Variants in RBFOX1 observed in about 807,000 individuals in gnomAD.
RBFOX1 encodes the protein RNA binding fox-1 homolog 1.
Under a neutral mutation model 57.7 loss-of-function variants are expected in RBFOX1, and 8 were observed. That is an observed-to-expected ratio of 0.14 (90% CI 0.08 to 0.25). The LOEUF (loss-of-function observed/expected upper bound fraction) is 0.25. Ranked by LOEUF, RBFOX1 falls within the 10% of genes least tolerant of loss-of-function variation. The pLI, the probability that RBFOX1 is intolerant of heterozygous loss-of-function variation, is 1.00. For synonymous variants in RBFOX1, 326 were observed against 222.4 expected, an observed-to-expected ratio of 1.47 and a Z score of -4.15; for missense variants, 611 against 548.5, an observed-to-expected ratio of 1.11 and a Z score of -1.14.
At chr16:5,918,086 A>G in intron 4 of RBFOX1, among the ~76,000 whole-genome samples, 1 of 152,134 alleles carries the variant, frequency 6.6e-6, no homozygotes, top group East Asian at 1.9e-4. Flanking sequence ...AACAGCCTGC[A>G]GTTCTCTTAA....
Position 5,363,534 on chromosome 16 carries a change from C to A in RBFOX1, c.220-103682C>A, listed in dbSNP as rs888081056. 2.0e-5 allele frequency among the ~76,000 whole-genome samples: 3 copies of A among 152,322 alleles called. No homozygotes were observed. The East Asian group carries it at 5.8e-4, about 29-fold the overall frequency. On this transcript the variant is annotated intron_variant, in intron 1 of 2. Transcript: ENST00000585867. ...AGGACTTCCAGGCAGGCTCTTCTCT[C>A]TGCAACAAGCTTTCTTTCTCCCCCT...
intron 2 of RBFOX1, among the ~76,000 whole-genome samples, chr16:6,503,269 C>T (rs1047952733): frequency 1.3e-5 from 2 of 152,054 alleles, no homozygotes; most frequent in Admixed American, 1.3e-4. Context: ...CTATACTTAT[C>T]TATGGGCAGT....
At chr16:7,686,687 C>G (rs2076135962) in intron 14 of RBFOX1, among the ~76,000 whole-genome samples, 1 of 152,048 alleles carries the variant, frequency 6.6e-6, no homozygotes, top group Non-Finnish European at 1.5e-5. Context: ...CTCAATTTTT[C>G]CAAATGAAGA....
intron 1 of RBFOX1, among the ~76,000 whole-genome samples, chr16:6,281,704 C>T (rs1021654554): frequency 5.9e-5 from 9 of 152,156 alleles, no homozygotes; most frequent in Non-Finnish European, 1.0e-4. Flanking sequence ...CTATTCATAA[C>T]ATTAACAGTT....
intron 1 of RBFOX1, among the ~76,000 whole-genome samples, chr16:6,085,639 G>T (rs928129448): frequency 9.2e-6 from 1 of 109,154 alleles, no homozygotes; most frequent in Non-Finnish European, 2.2e-5. Flanking sequence ...AGGAGAAGTA[G>T]CAGTGTGTGT....
At chr16:7,192,767 T>G (rs560802555) in intron 4 of RBFOX1, among the ~76,000 whole-genome samples, 2 of 152,340 alleles carry the variant, frequency 1.3e-5, no homozygotes, top group African/African-American at 4.8e-5. Flanking sequence ...TTTGCAATCT[T>G]TCTGTGAGTC....
chr16:6,011,069 T>C (rs2094958374), intron 4 of RBFOX1, among the ~76,000 whole-genome samples: 1 of 152,206 alleles, frequency 6.6e-6, no homozygotes, highest in African/African-American at 2.4e-5. Flanking sequence ...TCTTTACTTA[T>C]CCATTTGTAA....
intron 1 of RBFOX1, chr16:5,366,295 AT>A: frequency 2.7e-6 from 1 of 367,046 alleles, no homozygotes; most frequent in Non-Finnish European, 5.3e-6. Flanking sequence ...GGTCATGACG[AT>A]TTTGATGATG....
At chr16:7,601,925 C>T (rs1280658953) in intron 9 of RBFOX1, among the ~76,000 whole-genome samples, 1 of 152,210 alleles carries the variant, frequency 6.6e-6, no homozygotes, top group Non-Finnish European at 1.5e-5. Flanking sequence ...GTACCCAGTG[C>T]GAACCTCACT....
At chr16:7,348,306 C>G (rs1480118755) in intron 4 of RBFOX1, among the ~76,000 whole-genome samples, 2 of 152,158 alleles carry the variant, frequency 1.3e-5, no homozygotes, top group South Asian at 4.1e-4. Flanking sequence ...CTAAATAATT[C>G]TTATCTACTC....
intron 5 of RBFOX1, among the ~76,000 whole-genome samples, chr16:7,567,303 CTATA>C (rs199970979): frequency 0.12 from 13,552 of 111,914 alleles, 1,912 homozygotes; most frequent in South Asian, 0.24. Flanking sequence ...ATATATGGCC[CTATA>C]TATATATATA....
intron 4 of RBFOX1, among the ~76,000 whole-genome samples, chr16:5,959,466 A>G (rs2059708082): frequency 6.6e-6 from 1 of 152,164 alleles, no homozygotes; most frequent in Admixed American, 6.5e-5. Flanking sequence ...GGAACATACA[A>G]TGACAGGGGT....
chr16:5,756,222 G>T, intron 3 of RBFOX1, among the ~76,000 whole-genome samples: 1 of 13,936 alleles, frequency 7.2e-5, no homozygotes, highest in Non-Finnish European at 1.3e-4. Flanking sequence ...TTCCACATAA[G>T]CAAAAAAAAA....
chr16:7,428,741 A>G (rs4441295), intron 4 of RBFOX1, among the ~76,000 whole-genome samples: 7,179 of 151,868 alleles, frequency 0.047, 594 homozygotes, highest in African/African-American at 0.16. Context: ...TGTTCACACA[A>G]TGATATATGT....
At chr16:6,688,595 G>T (rs747469551) in intron 3 of RBFOX1, among the ~76,000 whole-genome samples, 2 of 152,134 alleles carry the variant, frequency 1.3e-5, no homozygotes, top group Non-Finnish European at 2.9e-5. Flanking sequence ...GGTGAAGCCT[G>T]TATCACTGTC....
At chr16:6,524,774 A>C (rs976056963) in intron 2 of RBFOX1, among the ~76,000 whole-genome samples, 2 of 152,020 alleles carry the variant, frequency 1.3e-5, no homozygotes, top group African/African-American at 4.8e-5. Context: ...CATCCTTGGC[A>C]TTCCTTGGTG....
intron 2 of RBFOX1, among the ~76,000 whole-genome samples, chr16:6,612,882 T>A (rs910539272): frequency 1.8e-5 from 2 of 109,438 alleles, no homozygotes; most frequent in African/African-American, 6.6e-5. Context: ...TAATAATATT[T>A]GTTTGTTCCA....
At chr16:6,262,662 G>C (rs56945626) in intron 1 of RBFOX1, among the ~76,000 whole-genome samples, 24 of 152,218 alleles carry the variant, frequency 1.6e-4, no homozygotes, top group South Asian at 6.2e-4. Context: ...GGGAAGAATC[G>C]GAACAAAGGG....
Position 7,079,755 on chromosome 16 carries a change from C to T in RBFOX1, c.27+27657C>T, listed in dbSNP as rs188971075. ...CTTGTCTTGATCTAGGTGGTGGTTA[C>T]ACAGGGTGGTGTTTGTGTGTGTTTG... On this transcript the variant is annotated intron_variant, in intron 4 of 15. Transcript: ENST00000550418. 5.3e-5 allele frequency among the ~76,000 whole-genome samples: 8 copies of T among 151,928 alleles called. No homozygotes were observed. In the East Asian group the frequency reaches 1.6e-3, roughly 30 times the overall value.
Sources: allele counts gnomAD v4.1 joint callset (sites outside exome capture counted in the v4.1 genomes callset), GRCh38; gene constraint gnomAD v4.1.1; transcripts MANE v1.5; gene names NCBI Gene and HGNC (gene_info 2026-07-23, HGNC 2026-07-21).